The following DENND4A variants were observed in gnomAD, a reference collection of about 807,000 sequenced individuals.
DENND4A encodes C-myc promoter-binding protein.
In DENND4A, 70 loss-of-function variants were observed where a neutral mutation model predicts 199.3. The ratio of observed to expected loss-of-function variants is 0.35; its 90% CI spans 0.29 to 0.43. The LOEUF (loss-of-function observed/expected upper bound fraction) is 0.43. Ranked by LOEUF, DENND4A falls within the 20% of genes least tolerant of loss-of-function variation. The pLI is 1.00. For missense variants in DENND4A, 1,723 were observed against 2,255.8 expected (o/e 0.76, Z 4.78); for synonymous variants, 686 against 766.9 (o/e 0.89, Z 1.74).
intron 9 of DENND4A, among the ~76,000 whole-genome samples, chr15:65,730,335 T>TATAATGCTAA (rs2140382306): frequency 6.6e-6 from 1 of 152,238 alleles, no homozygotes; most frequent in African/African-American, 2.4e-5. Flanking sequence ...ATTTTGTTTA[T>TATAATGCTAA]ATAATGCTAA....
At chr15:65,765,522 C>G (rs1488751282) in intron 1 of DENND4A, among the ~76,000 whole-genome samples, 2 of 152,212 alleles carry the variant, frequency 1.3e-5, no homozygotes, top group African/African-American at 4.8e-5. Context: ...ATGGTAACAT[C>G]TTGCAAAACT....
At chr15:65,694,916 G>A (rs1438494065) in intron 22 of DENND4A, among the ~76,000 whole-genome samples, 3 of 152,138 alleles carry the variant, frequency 2.0e-5, no homozygotes, top group Non-Finnish European at 2.9e-5. Context: ...AAAGGATGGT[G>A]TACAATCATA....
intron 4 of DENND4A, among the ~76,000 whole-genome samples, chr15:65,750,997 A>G (rs2076547847): frequency 6.6e-6 from 1 of 152,200 alleles, no homozygotes; most frequent in Non-Finnish European, 1.5e-5. Flanking sequence ...TTGTATATCT[A>G]AACTAAGAAT....
intron 5 of DENND4A, among the ~76,000 whole-genome samples, chr15:65,740,159 A>C (rs1435063253): frequency 1.3e-5 from 2 of 151,942 alleles, no homozygotes; most frequent in Non-Finnish European, 2.9e-5. Flanking sequence ...CCAGCCTTTC[A>C]ATGGTTGCAC....
At chr15:65,758,112 T>G (rs2076758776) in intron 2 of DENND4A, among the ~76,000 whole-genome samples, 1 of 152,054 alleles carries the variant, frequency 6.6e-6, no homozygotes, top group African/African-American at 2.4e-5. Context: ...GTTCCAAAAC[T>G]ACAAAAATGC....
At chr15:65,761,565 C>A (rs2140757131) in intron 1 of DENND4A, 127 bp from the exon 2 acceptor site, 1 of 151,872 alleles carries the variant, frequency 6.6e-6, no homozygotes, top group East Asian at 1.9e-4. Flanking sequence ...TTATTGTTTT[C>A]TTGTGGTTAA....
At chr15:65,672,374 T>C (rs2076242775) in intron 24 of DENND4A, among the ~76,000 whole-genome samples, 1 of 152,110 alleles carries the variant, frequency 6.6e-6, no homozygotes, top group African/African-American at 2.4e-5. Flanking sequence ...CCTGTAATCC[T>C]AGCATGTTGA....
chr15:65,671,487 T>G (rs1431537728), intron 25 of DENND4A, among the ~76,000 whole-genome samples: 5 of 152,178 alleles, frequency 3.3e-5, no homozygotes, highest in African/African-American at 1.2e-4. Context: ...CCTCCCAGGT[T>G]TAAGTAATTC....
chr15:65,778,472 C>G (rs1001490761), intron 1 of DENND4A, among the ~76,000 whole-genome samples: 1 of 140,866 alleles, frequency 7.1e-6, no homozygotes, highest in Non-Finnish European at 1.5e-5. Flanking sequence ...AAAAAAAAAG[C>G]GTTCCCCAGT....
intron 14 of DENND4A, among the ~76,000 whole-genome samples, chr15:65,709,569 C>T (rs1379364389): frequency 6.6e-6 from 1 of 151,238 alleles, no homozygotes; most frequent in Non-Finnish European, 1.5e-5. Flanking sequence ...TGGCACACGC[C>T]TGTAATCCCA....
chr15:65,724,663 C>A (rs551456092), intron 11 of DENND4A, among the ~76,000 whole-genome samples: 10 of 152,294 alleles, frequency 6.6e-5, no homozygotes, highest in African/African-American at 2.4e-4. Context: ...TCCCCTCTAT[C>A]TTTCCACAAA....
chr15:65,666,935 C>CA lies in DENND4A; in HGVS notation c.5241+513dup, dbSNP rs776121448. The stretch of plus-strand genomic sequence containing the variant: ...GTTTAATGTAAATTTTAGGAGAAGG[C>CA]AAAAAAAAAAGACTCTTATTGCTAG... On this transcript the variant is annotated intron_variant, in intron 29 of 32. Transcript: ENST00000443035. 8.1e-3 allele frequency among the ~76,000 whole-genome samples: 1,135 copies of CA among 139,868 alleles called. 7 individuals are homozygous for CA. Among genetic ancestry groups the CA allele is most frequent in the Middle Eastern group, 0.039 (11 of 284 alleles). 91.8% of individuals were successfully genotyped at this position (139,868 alleles called of 152,430 possible). A position where few individuals can be genotyped will look rare whatever the true frequency, so the allele number is the denominator to read the frequency against.
At chr15:65,776,413 A>G (rs1277159800) in intron 1 of DENND4A, among the ~76,000 whole-genome samples, 1 of 152,238 alleles carries the variant, frequency 6.6e-6, no homozygotes, top group Non-Finnish European at 1.5e-5. Context: ...CTTCACAATA[A>G]TCATGTATAG....
chr15:65,693,245 G>A (rs2077034489), intron 22 of DENND4A, among the ~76,000 whole-genome samples: 1 of 152,038 alleles, frequency 6.6e-6, no homozygotes, highest in Non-Finnish European at 1.5e-5. Context: ...AGGGTTTTTG[G>A]AAAAATTATT....
intron 14 of DENND4A, 71 bp from the exon 15 acceptor site, chr15:65,706,295 G>T: frequency 2.2e-6 from 3 of 1,351,748 alleles, no homozygotes; most frequent in South Asian, 3.9e-5. Context: ...AAAGGGAAGT[G>T]GTTAAATAAA....
At chr15:65,734,195 A>AG (rs2076044422) in intron 7 of DENND4A, among the ~76,000 whole-genome samples, 4 of 152,284 alleles carry the variant, frequency 2.6e-5, no homozygotes, top group East Asian at 3.9e-4. Flanking sequence ...ATAAAACCCG[A>AG]TTGTACGTTC....
intron 1 of DENND4A, among the ~76,000 whole-genome samples, chr15:65,790,184 A>G (rs2077677391): frequency 6.6e-6 from 1 of 152,234 alleles, no homozygotes. Flanking sequence ...TACCAGAAAT[A>G]GGACAACAGT....
chr15:65,670,205 C>A lies in DENND4A; in HGVS notation c.4465-17G>T. ...GATGAGAACCTGTGGGAGAAGATAG[C>A]ACTTTATAAAGAAAGCTGGTTAATT... On this transcript the variant is annotated splice_polypyrimidine_tract_variant and intron_variant, in intron 25 of 32. Transcript: ENST00000443035. 1 of 1,470,144 alleles carries A rather than the reference C, an allele frequency of 6.8e-7. No individual in the cohort carries two copies. Among genetic ancestry groups the A allele is most frequent in the Non-Finnish European group, 9.0e-7 (1 of 1,106,032 alleles). The allele number at this position is 1,470,144 out of a possible 1,614,324, so 91.1% of individuals were successfully genotyped here.
At position 65,718,760 on chromosome 15, in the gene DENND4A, CTTTTTTT is replaced by C. The variant is rs1038227560; in HGVS notation, c.1589-771_1589-765del. Among the ~76,000 whole-genome samples, 339 of 67,760 alleles carry C rather than the reference CTTTTTTT, an allele frequency of 5.0e-3. 1 individual carries two copies. The highest frequency in any genetic ancestry group is 0.013 in the African/African-American group (253 of 20,104). 44.5% of individuals were successfully genotyped at this position (67,760 alleles called of 152,430 possible). A position where few individuals can be genotyped will look rare whatever the true frequency, so the allele number is the denominator to read the frequency against. On this transcript the variant is annotated intron_variant, in intron 12 of 32. Transcript: ENST00000443035. ...TCAAAAGTTTTGCATGTTTTTTTTC[CTTTTTTT>C]TTTTTTTTTTTTTTTTTTTTTTGGT...
Sources: allele counts gnomAD v4.1 joint callset (sites outside exome capture counted in the v4.1 genomes callset), GRCh38; gene constraint gnomAD v4.1.1; transcripts MANE v1.5; gene names NCBI Gene and HGNC (gene_info 2026-07-23, HGNC 2026-07-21).